Variants in LINGO1 observed in about 807,000 individuals in gnomAD.
LINGO1 encodes leucine rich repeat and Ig domain containing 1, also known as leucine-rich repeat and immunoglobulin-like domain-containing nogo receptor-interacting protein 1.
In LINGO1, 11 loss-of-function variants were observed where a neutral mutation model predicts 37.3. The observed-to-expected ratio is 0.29, with a 90% CI of 0.19 to 0.49. The LOEUF is 0.49. LINGO1 is among the 20% of genes least tolerant of loss of function. LINGO1 has a pLI of 0.99. For missense variants in LINGO1, 585 were observed against 878.2 expected (o/e 0.67, Z 4.22); for synonymous variants, 387 against 403.0 (o/e 0.96, Z 0.48).
At chr15:77,707,005 G>A (rs1034193022) in intron 2 of LINGO1, among the ~76,000 whole-genome samples, 3 of 152,260 alleles carry the variant, frequency 2.0e-5, no homozygotes, top group African/African-American at 4.8e-5. Flanking sequence ...ATGCCACACG[G>A]ATTCCCTGTA....
upstream of LINGO1, among the ~76,000 whole-genome samples, chr15:77,634,640 A>C (rs909788774): frequency 2.6e-5 from 4 of 152,158 alleles, no homozygotes; most frequent in Non-Finnish European, 4.4e-5. Flanking sequence ...AGAAGGACTT[A>C]CAGGTGGGAG....
chr15:77,635,575 G>T (rs2074380026), upstream of LINGO1, among the ~76,000 whole-genome samples: 1 of 147,284 alleles, frequency 6.8e-6, no homozygotes, highest in Admixed American at 6.6e-5. Flanking sequence ...CACAACCAGG[G>T]GATCATGTCC....
At chr15:77,779,641 T>C (rs779769016) in intron 1 of LINGO1, among the ~76,000 whole-genome samples, 9 of 152,104 alleles carry the variant, frequency 5.9e-5, no homozygotes, top group Non-Finnish European at 1.3e-4. Context: ...ACTGATCTTA[T>C]GGGGGCGGAG....
At chr15:77,668,879 G>A (rs1028241293) in intron 3 of LINGO1, among the ~76,000 whole-genome samples, 4 of 151,520 alleles carry the variant, frequency 2.6e-5, no homozygotes, top group African/African-American at 7.3e-5. Context: ...TAGCCCTTGG[G>A]GAACCTCTCC....
At chr15:77,796,285 C>T (rs1048433768) in intron 1 of LINGO1, among the ~76,000 whole-genome samples, 1 of 152,188 alleles carries the variant, frequency 6.6e-6, no homozygotes, top group Non-Finnish European at 1.5e-5. Context: ...GTCAATTGTG[C>T]ATGCCCACAT....
chr15:77,800,674 A>G (rs1467954203), intron 1 of LINGO1, among the ~76,000 whole-genome samples: 1 of 152,244 alleles, frequency 6.6e-6, no homozygotes. Context: ...CAGACATTAA[A>G]TCCAGAAGCC....
intron 2 of LINGO1, among the ~76,000 whole-genome samples, chr15:77,729,707 CCTT>C (rs1378831764): frequency 1.3e-5 from 2 of 152,214 alleles, no homozygotes; most frequent in African/African-American, 4.8e-5. Flanking sequence ...GAAACCTACT[CCTT>C]CTCAAGGACT....
At chr15:77,715,131 C>T (rs549760912) in intron 2 of LINGO1, among the ~76,000 whole-genome samples, 6 of 152,268 alleles carry the variant, frequency 3.9e-5, no homozygotes, top group Middle Eastern at 3.4e-3. Context: ...TGTGGTCACA[C>T]GTGGGATGTG....
At chr15:77,809,954 G>A (rs759795509) in intron 1 of LINGO1, among the ~76,000 whole-genome samples, 7 of 152,070 alleles carry the variant, frequency 4.6e-5, no homozygotes, top group Non-Finnish European at 7.4e-5. Context: ...CAGGGATCAG[G>A]AGGTGTCCTG....
At chr15:77,678,394 G>C (rs1357427293) in intron 2 of LINGO1, among the ~76,000 whole-genome samples, 1 of 152,118 alleles carries the variant, frequency 6.6e-6, no homozygotes, top group South Asian at 2.1e-4. Context: ...GTTGTTTTGC[G>C]TTTTCCAGAG....
At chr15:77,704,513 G>T (rs1262433007) in intron 2 of LINGO1, among the ~76,000 whole-genome samples, 1 of 151,008 alleles carries the variant, frequency 6.6e-6, no homozygotes, top group African/African-American at 2.5e-5. Context: ...TCCTGACACT[G>T]ATCACACGCT....
intron 2 of LINGO1, among the ~76,000 whole-genome samples, chr15:77,718,710 G>A (rs1461837172): frequency 2.7e-5 from 4 of 150,690 alleles, no homozygotes; most frequent in African/African-American, 9.7e-5. Context: ...TCACAACTGC[G>A]TGGCCTTGGT....
At chr15:77,710,850 C>A (rs969254217) in intron 2 of LINGO1, among the ~76,000 whole-genome samples, 2 of 152,260 alleles carry the variant, frequency 1.3e-5, no homozygotes, top group African/African-American at 4.8e-5. Flanking sequence ...CTGCTCTTGG[C>A]AGCTTTGATG....
intron 1 of LINGO1, among the ~76,000 whole-genome samples, chr15:77,621,890 G>A (rs1050783321): frequency 1.3e-5 from 2 of 152,136 alleles, no homozygotes; most frequent in African/African-American, 2.4e-5. Context: ...AGCGTTCCTC[G>A]GGGACCAGGG....
At chr15:77,760,015 C>G (rs2076458729) in intron 1 of LINGO1, among the ~76,000 whole-genome samples, 1 of 152,194 alleles carries the variant, frequency 6.6e-6, no homozygotes, top group African/African-American at 2.4e-5. Flanking sequence ...TCTCAGAGCC[C>G]CACTCACCGC....
At chr15:77,648,399 A>G (rs998894522) in intron 3 of LINGO1, 3 of 155,798 alleles carry the variant, frequency 1.9e-5, no homozygotes, top group Non-Finnish European at 4.2e-5. Flanking sequence ...TCACACAACC[A>G]TGCACATGGC....
At chr15:77,705,845 C>G (rs954139881) in intron 2 of LINGO1, among the ~76,000 whole-genome samples, 1 of 152,136 alleles carries the variant, frequency 6.6e-6, no homozygotes, top group African/African-American at 2.4e-5. Context: ...AGGTGAAGAC[C>G]ACCACGGTCA....
At chr15:77,689,747 G>A (rs1013277814) in intron 2 of LINGO1, among the ~76,000 whole-genome samples, 4 of 152,088 alleles carry the variant, frequency 2.6e-5, no homozygotes, top group African/African-American at 9.7e-5. Context: ...AATACAGCTC[G>A]TGTACACAAA....
At position 77,745,296 on chromosome 15, in the gene LINGO1, G is replaced by C. The variant is rs1383622506; in HGVS notation, c.-256-10243C>G. Among the ~76,000 whole-genome samples the C allele has an allele frequency of 2.0e-5, 3 of 151,494 alleles. No homozygotes were observed. In the East Asian group the frequency reaches 5.9e-4, roughly 30 times the overall value. ...AAAAAATTAGCCAGGCGTGGTGGTG[G>C]GCGCTTGTAGTCCCAGCTACTTGGA... On this transcript the variant is annotated intron_variant, in intron 1 of 3. Coordinates refer to the LINGO1 transcript ENST00000561686.
Sources: allele counts gnomAD v4.1 joint callset (sites outside exome capture counted in the v4.1 genomes callset), GRCh38; gene constraint gnomAD v4.1.1; transcripts MANE v1.5; gene names NCBI Gene and HGNC (gene_info 2026-07-23, HGNC 2026-07-21).